SETD5: variants seen among roughly 807,000 people sequenced by gnomAD.
SETD5 encodes the protein histone-lysine N-methyltransferase SETD5.
In SETD5, 44 loss-of-function variants were observed where a neutral mutation model predicts 153.3. The observed-to-expected ratio is 0.29, with a 90% confidence interval of 0.23 to 0.37. The LOEUF (loss-of-function observed/expected upper bound fraction) is 0.37. SETD5 is among the 10% of genes least tolerant of loss of function. The pLI, the probability that SETD5 is intolerant of heterozygous loss-of-function variation, is 1.00. For missense variants in SETD5, 1,544 were observed against 1,768.0 expected (o/e 0.87, Z 2.27); for synonymous variants, 716 against 645.2 (o/e 1.11, Z -1.66).
chr3:9,426,663 G>A (rs2039294683), intron 2 of SETD5, among the ~76,000 whole-genome samples: 1 of 151,610 alleles, frequency 6.6e-6, no homozygotes, highest in African/African-American at 2.4e-5. Context: ...AAAATGCTGG[G>A]ATTACAGGTG....
intron 2 of SETD5, among the ~76,000 whole-genome samples, chr3:9,427,149 G>T (rs1264588325): frequency 2.6e-5 from 4 of 152,126 alleles, no homozygotes; most frequent in African/African-American, 9.7e-5. Context: ...GCCTCCTAAA[G>T]TGTTGGTATT....
chr3:9,442,122 C>T lies in SETD5; in HGVS notation c.960-6C>T, dbSNP rs780130566. 9 of 1,580,058 alleles carry T rather than the reference C, an allele frequency of 5.7e-6. No individual in the cohort carries two copies. In the South Asian group the frequency reaches 6.7e-5, roughly 12 times the overall value. On this transcript the variant is annotated splice_polypyrimidine_tract_variant and splice_region_variant and intron_variant, in intron 9 of 22. Transcript: ENST00000402198. ...AGAATTACAGGAATTTTAATTGTAT[C>T]CCTAGACCATACCCCTTTGTGCTCT...
intron 12 of SETD5, 139 bp from the exon 13 acceptor site, chr3:9,445,518 G>C: frequency 2.3e-6 from 2 of 882,500 alleles, no homozygotes; most frequent in South Asian, 1.7e-5. Context: ...GTTATCATCT[G>C]TGTTTACCAT....
chr3:9,404,625 C>T lies in SETD5; in HGVS notation c.-177+6648C>T, dbSNP rs73026964. On this transcript the variant is annotated intron_variant, in intron 1 of 22. Transcript: ENST00000402198. Reference sequence around the variant, plus strand: ...GTCAAGCACCAGTCTCCATACCAGACAGTTTTCTCTGCATGTGCTATGACC... The same window carrying T: ...GTCAAGCACCAGTCTCCATACCAGATAGTTTTCTCTGCATGTGCTATGACC... 8.4e-3 allele frequency among the ~76,000 whole-genome samples: 1,275 copies of T among 152,276 alleles called. 13 individuals are homozygous for T. The highest frequency in any genetic ancestry group is 9.0e-3 in the Non-Finnish European group (613 of 68,024).
intron 3 of SETD5, chr3:9,431,537 C>G (rs1162188253): frequency 1.0e-6 from 1 of 983,426 alleles, no homozygotes; most frequent in Non-Finnish European, 1.2e-6. Flanking sequence ...ACTGTGTATT[C>G]AATCAGTAAC....
chr3:9,415,568 T>A (rs2037284427), intron 1 of SETD5, among the ~76,000 whole-genome samples: 1 of 152,184 alleles, frequency 6.6e-6, no homozygotes, highest in African/African-American at 2.4e-5. Flanking sequence ...CTTCCATTGC[T>A]GTTATTTTAT....
At chr3:9,406,282 A>G (rs1240343234) in intron 1 of SETD5, among the ~76,000 whole-genome samples, 5 of 152,234 alleles carry the variant, frequency 3.3e-5, no homozygotes, top group African/African-American at 9.6e-5. Context: ...AACAAAGAGA[A>G]GGGCCTTTGA....
intron 1 of SETD5, among the ~76,000 whole-genome samples, chr3:9,413,649 G>GGTGTGTGTGTGTGTGTGTGTGT (rs1160123997): frequency 1.4e-5 from 2 of 140,366 alleles, no homozygotes; most frequent in African/African-American, 2.7e-5. Context: ...GGGGAGGCGG[G>GGTGTGTGTGTGTGTGTGTGTGT]GTGTGTGTGT....
At chr3:9,437,157 A>G (rs2040670495) in intron 7 of SETD5, among the ~76,000 whole-genome samples, 1 of 152,208 alleles carries the variant, frequency 6.6e-6, no homozygotes, top group African/African-American at 2.4e-5. Context: ...TTTCCAAACA[A>G]AATGAGGCTA....
chr3:9,436,744 C>T (rs2040615642), intron 7 of SETD5: 3 of 904,616 alleles, frequency 3.3e-6, no homozygotes, highest in Admixed American at 5.3e-5. Context: ...GAAAGGGGGA[C>T]AGAATAGAAC....
intron 1 of SETD5, among the ~76,000 whole-genome samples, chr3:9,422,968 C>A (rs995292896): frequency 6.6e-5 from 10 of 152,210 alleles, no homozygotes; most frequent in African/African-American, 2.4e-4. Flanking sequence ...CTCTTCCTGC[C>A]AGTCCTCTTC....
chr3:9,416,068 T>C (rs1214639430), intron 1 of SETD5, among the ~76,000 whole-genome samples: 2 of 152,112 alleles, frequency 1.3e-5, no homozygotes, highest in Admixed American at 6.6e-5. Context: ...GTGGTTCAAA[T>C]AGGAATCTTC....
intron 1 of SETD5, among the ~76,000 whole-genome samples, chr3:9,400,961 T>G (rs2034674953): frequency 6.6e-6 from 1 of 152,234 alleles, no homozygotes. Flanking sequence ...CTGTTTTTCT[T>G]CCCCAAGACT....
intron 11 of SETD5, among the ~76,000 whole-genome samples, chr3:9,443,683 G>C (rs2041579536): frequency 6.6e-6 from 1 of 152,134 alleles, no homozygotes; most frequent in African/African-American, 2.4e-5. Context: ...TAGCAAAATG[G>C]ATATATATGT....
rs1399737544 is a variant in SETD5 at position 9,477,318 on chromosome 3, T to C, written c.*1227T>C. On this transcript the variant is annotated 3_prime_UTR_variant, in exon 23 of 23. Transcript: ENST00000402198. The stretch of plus-strand genomic sequence containing the variant: ...GAGCCAGCCCAGGTGGGGTACACAA[T>C]CTTTTTAAATTCCATATGGTTGCCA... The C allele has an allele frequency of 6.5e-6, 1 of 152,674 alleles. No individual in the cohort carries two copies. Among genetic ancestry groups the C allele is most frequent in the African/African-American group, 2.4e-5 (1 of 41,448 alleles). 9.5% of individuals were successfully genotyped at this position (152,674 alleles called of 1,614,324 possible).
chr3:9,458,461 T>C (rs1366234080), intron 17 of SETD5, among the ~76,000 whole-genome samples: 1 of 151,844 alleles, frequency 6.6e-6, no homozygotes, highest in Non-Finnish European at 1.5e-5. Context: ...CTACAAAAAA[T>C]AAAAATTAGC....
chr3:9,457,373 G>A (rs7625004), intron 17 of SETD5, among the ~76,000 whole-genome samples: 10,285 of 151,946 alleles, frequency 0.068, 518 homozygotes, highest in Admixed American at 0.12. Context: ...TTGTAGTCCC[G>A]CTACTCGGGG....
At chr3:9,408,127 A>G (rs2036009751) in intron 1 of SETD5, among the ~76,000 whole-genome samples, 1 of 152,144 alleles carries the variant, frequency 6.6e-6, no homozygotes. Flanking sequence ...AAATGTCTCA[A>G]TTTGGATCAT....
intron 7 of SETD5, among the ~76,000 whole-genome samples, 157 bp downstream of exon 7, chr3:9,436,063 T>C (rs1375580941): frequency 5.3e-5 from 8 of 152,182 alleles, no homozygotes; most frequent in Non-Finnish European, 1.2e-4. Flanking sequence ...GTTATGTACA[T>C]GTAGACCAAC....
Sources: gnomAD v4.1 joint callset for allele counts (sites outside exome capture counted in the v4.1 genomes callset) on GRCh38, gnomAD v4.1.1 for gene constraint, MANE v1.5 for transcripts, NCBI Gene and HGNC (gene_info 2026-07-23, HGNC 2026-07-21) for gene names.